The following ARHGAP15 variants were observed in gnomAD, a reference collection of about 807,000 sequenced individuals.
ARHGAP15 encodes rho GTPase-activating protein 15.
ARHGAP15 carries 51 observed loss-of-function variants against 63.7 expected under a neutral mutation model. That is an observed-to-expected ratio of 0.80 (90% CI 0.64 to 1.01). ARHGAP15 has a LOEUF of 1.01. ARHGAP15 is among the 50% of genes least tolerant of loss of function. ARHGAP15 has a pLI of 0.00. For synonymous variants in ARHGAP15, 191 were observed against 193.8 expected (o/e 0.99, Z 0.12); for missense variants, 560 against 564.6 (o/e 0.99, Z 0.08).
intron 11 of ARHGAP15, among the ~76,000 whole-genome samples, chr2:143,562,918 C>A (rs958150701): frequency 6.6e-6 from 1 of 152,186 alleles, no homozygotes; most frequent in Non-Finnish European, 1.5e-5. Flanking sequence ...GTCTCCAAGA[C>A]ACACAAATCC....
chr2:143,259,358 A>C (rs1373851935), intron 6 of ARHGAP15, among the ~76,000 whole-genome samples: 3 of 152,172 alleles, frequency 2.0e-5, no homozygotes, highest in African/African-American at 7.2e-5. Context: ...TTAATGTTTA[A>C]TGCATATGAA....
chr2:143,319,446 T>G (rs1209229387), intron 6 of ARHGAP15, among the ~76,000 whole-genome samples: 1 of 152,112 alleles, frequency 6.6e-6, no homozygotes, highest in Non-Finnish European at 1.5e-5. Context: ...GGTCTCGAAC[T>G]CCTGACCTCA....
At chr2:143,667,521 GTAAC>G (rs1331296406) in intron 12 of ARHGAP15, among the ~76,000 whole-genome samples, 2 of 147,608 alleles carry the variant, frequency 1.4e-5, no homozygotes, top group African/African-American at 2.5e-5. Context: ...GTATACACAT[GTAAC>G]TAACCTGAAC....
At chr2:143,592,096 T>C (rs1303081034) in intron 11 of ARHGAP15, among the ~76,000 whole-genome samples, 1 of 152,182 alleles carries the variant, frequency 6.6e-6, no homozygotes, top group Non-Finnish European at 1.5e-5. Context: ...TCAAATGCCA[T>C]TCAGTAATTC....
chr2:143,308,935 CAAAAAAA>C (rs35757623), intron 6 of ARHGAP15, among the ~76,000 whole-genome samples: 43 of 107,362 alleles, frequency 4.0e-4, no homozygotes, highest in African/African-American at 1.3e-3. Context: ...TCCTGGCAGC[CAAAAAAA>C]AAAAAAAAAA....
intron 6 of ARHGAP15, among the ~76,000 whole-genome samples, chr2:143,368,716 C>CT (rs1686408854): frequency 6.6e-6 from 1 of 152,076 alleles, no homozygotes; most frequent in Admixed American, 6.5e-5. Context: ...CTTGAGGACA[C>CT]TTAGGCGTGG....
chr2:143,536,776 T>A lies in ARHGAP15; in HGVS notation c.925+17412T>A, dbSNP rs1196775075. ...ATTTTCTTAATCCAGTCTATCATTG[T>A]TGGACATTTGGGTTGGTTCCAAGTC... On this transcript the variant is annotated intron_variant, in intron 10 of 13. Transcript: ENST00000295095. Among the ~76,000 whole-genome samples, 5 of 151,890 alleles carry A rather than the reference T, an allele frequency of 3.3e-5. No homozygotes were observed. The East Asian group carries it at 5.8e-4, about 18-fold the overall frequency.
chr2:143,270,823 TA>T (rs1681242333), intron 6 of ARHGAP15, among the ~76,000 whole-genome samples: 1 of 152,228 alleles, frequency 6.6e-6, no homozygotes. Context: ...TTGGCTTTTG[TA>T]AGTAACCTCT....
intron 6 of ARHGAP15, among the ~76,000 whole-genome samples, chr2:143,258,177 GATAA>G (rs1471395637): frequency 6.6e-6 from 1 of 152,032 alleles, no homozygotes; most frequent in African/African-American, 2.4e-5. Flanking sequence ...ATCACTGGCT[GATAA>G]ATAGATGACG....
intron 12 of ARHGAP15, among the ~76,000 whole-genome samples, chr2:143,697,875 A>G (rs1683920542): frequency 6.6e-6 from 1 of 152,202 alleles, no homozygotes; most frequent in South Asian, 2.1e-4. Context: ...AAATTCGGAA[A>G]TGGCCACAGT....
intron 11 of ARHGAP15, among the ~76,000 whole-genome samples, chr2:143,576,822 A>G (rs1173273090): frequency 6.6e-6 from 1 of 152,148 alleles, no homozygotes; most frequent in African/African-American, 2.4e-5. Flanking sequence ...TGACTAAACT[A>G]TTTTGGTTGA....
chr2:143,740,390 TGTA>T (rs1385687326), intron 13 of ARHGAP15, among the ~76,000 whole-genome samples: 1 of 152,200 alleles, frequency 6.6e-6, no homozygotes, highest in African/African-American at 2.4e-5. Flanking sequence ...CAGGTAGAAA[TGTA>T]GTGTCTCCAG....
At chr2:143,733,905 ATTAT>A (rs1054909423) in intron 13 of ARHGAP15, among the ~76,000 whole-genome samples, 15 of 152,316 alleles carry the variant, frequency 9.8e-5, no homozygotes, top group East Asian at 5.8e-4. Context: ...TTCTTAAAAA[ATTAT>A]TTAAGAAATT....
At chr2:143,668,725 T>A (rs902377597) in intron 12 of ARHGAP15, among the ~76,000 whole-genome samples, 20 of 152,202 alleles carry the variant, frequency 1.3e-4, no homozygotes, top group African/African-American at 4.8e-4. Context: ...GTGGTTCAAA[T>A]CACTCTTATT....
At position 143,228,672 on chromosome 2, in the gene ARHGAP15, A is replaced by T; in HGVS notation, c.384+4A>T. ...GCAACAGGCTCTGTCCAATATGGTA[A>T]GTAATTCTCTGTTTCTATTGTTAAA... is the stretch of plus-strand genomic sequence containing the variant. On this transcript the variant is annotated splice_donor_region_variant and intron_variant, in intron 5 of 13. Coordinates refer to ENST00000295095, the MANE Select transcript of ARHGAP15 (RefSeq NM_018460.4). 1 of 1,534,686 alleles carries T rather than the reference A, an allele frequency of 6.5e-7. No individual in the cohort carries two copies. The highest frequency in any genetic ancestry group is 8.8e-7 in the Non-Finnish European group (1 of 1,137,366).
At chr2:143,472,840 A>T (rs1691642108) in intron 8 of ARHGAP15, among the ~76,000 whole-genome samples, 1 of 152,174 alleles carries the variant, frequency 6.6e-6, no homozygotes, top group Non-Finnish European at 1.5e-5. Context: ...TATGCAGATG[A>T]GGAGACTGGG....
chr2:143,466,976 G>A (rs1319150727), intron 8 of ARHGAP15, among the ~76,000 whole-genome samples: 1 of 152,008 alleles, frequency 6.6e-6, no homozygotes, highest in African/African-American at 2.4e-5. Context: ...GGGCACAGCT[G>A]CTCCCTTACA....
In ARHGAP15 at chr2:143,753,565, G is replaced by A. The variant is rs917336342; in HGVS notation, c.1245-14424G>A. 7.2e-5 allele frequency among the ~76,000 whole-genome samples: 11 copies of A among 152,078 alleles called. No individual in the cohort carries two copies. The East Asian group carries it at 7.7e-4, about 11-fold the overall frequency. On this transcript the variant is annotated intron_variant, in intron 13 of 13. Transcript: ENST00000295095. ...AACTGGCACAATCCATTCCTTCAACGTAGTACAGATGATAAATTTATATGT... is the reference window on the plus strand; with the variant it reads ...AACTGGCACAATCCATTCCTTCAACATAGTACAGATGATAAATTTATATGT...
At position 143,762,919 on chromosome 2, in the gene ARHGAP15, T is replaced by C. The variant is rs527289758; in HGVS notation, c.1245-5070T>C. Among the ~76,000 whole-genome samples, 51 of 152,148 alleles carry C rather than the reference T, an allele frequency of 3.4e-4. 1 individual carries two copies. The highest frequency in any genetic ancestry group is 5.7e-4 in the Non-Finnish European group (39 of 68,020). The stretch of plus-strand genomic sequence containing the variant: ...AAATGTATATGGTTTCTGGATCAGA[T>C]CCACCCCTCCAACAATACAACTCAA... On this transcript the variant is annotated intron_variant, in intron 13 of 13. Coordinates refer to ENST00000295095, the MANE Select transcript of ARHGAP15 (RefSeq NM_018460.4).
Sources: allele counts gnomAD v4.1 joint callset (sites outside exome capture counted in the v4.1 genomes callset), GRCh38; gene constraint gnomAD v4.1.1; transcripts MANE v1.5; gene names NCBI Gene and HGNC (gene_info 2026-07-23, HGNC 2026-07-21).